Variants in SPATA1 observed in about 807,000 individuals in gnomAD.
The protein encoded by SPATA1 is spermatogenesis associated 1, also known as spermatogenesis-associated protein 1.
Under a neutral mutation model 59.6 loss-of-function variants are expected in SPATA1, and 57 were observed. That is an observed-to-expected ratio of 0.96 (90% confidence interval 0.77 to 1.19). SPATA1 has a LOEUF of 1.19. SPATA1 is among the 50% of genes most tolerant of loss of function. The probability of loss-of-function intolerance (pLI) is 0.00; values close to 1 mark genes in which losing one functional copy is unlikely to be tolerated. For synonymous variants in SPATA1, 147 were observed against 163.9 expected, an observed-to-expected ratio of 0.90 and a Z score of 0.79; for missense variants, 448 against 480.7, an observed-to-expected ratio of 0.93 and a Z score of 0.64.
At position 84,551,367 on chromosome 1, in the gene SPATA1, ATAAAAATAAATAAAATT is replaced by A. The variant is rs1432266219; in HGVS notation, c.1224+848_1224+864del. 57 of 756,986 alleles carry A rather than the reference ATAAAAATAAATAAAATT, an allele frequency of 7.5e-5. 1 individual carries two copies. In the Admixed American group the frequency reaches 3.5e-3, roughly 47 times the overall value. 46.9% of individuals were successfully genotyped at this position (756,986 alleles called of 1,614,324 possible). On this transcript the variant is annotated intron_variant, in intron 12 of 12. Coordinates refer to ENST00000490879, the Ensembl canonical transcript of SPATA1. ...GTACTGTCCTCGGTTTCAGATAAAA[ATAAAAATAAATAAAATT>A]TAAAAATAAAAAAATAGAATTAGCA...
chr1:84,539,318 CACAA>C (rs1267745063), intron 8 of SPATA1, among the ~76,000 whole-genome samples: 11 of 152,194 alleles, frequency 7.2e-5, no homozygotes, highest in African/African-American at 2.4e-4. Flanking sequence ...AAACAGCACA[CACAA>C]ACAAGAGAGG....
intron 8 of SPATA1, 147 bp from the exon 9 acceptor site, chr1:84,544,055 T>C: frequency 1.6e-6 from 1 of 613,042 alleles, no homozygotes; most frequent in South Asian, 2.0e-5. Flanking sequence ...TGGGAGAGAA[T>C]CTGCAGCTAT....
At position 84,548,983 on chromosome 1, in the gene SPATA1, C is replaced by T. The variant is rs1256460888; in HGVS notation, c.1125+19C>T. 3.3e-6 allele frequency: 5 copies of T among 1,528,076 alleles called. No individual in the cohort carries two copies. In the Admixed American group the frequency reaches 1.1e-4, roughly 33 times the overall value. 94.7% of individuals were successfully genotyped at this position (1,528,076 alleles called of 1,614,324 possible). ...CTCCAAGGTATTACTAAATGTATCC[C>T]CCTTCCGTTAGAGAAGTTCTGTTCA... is the stretch of plus-strand genomic sequence containing the variant. On this transcript the variant is annotated intron_variant, in intron 11 of 12. Transcript: ENST00000490879.
intron 2 of SPATA1, among the ~76,000 whole-genome samples, chr1:84,518,401 G>A (rs1270681186): frequency 6.6e-6 from 1 of 151,998 alleles, no homozygotes; most frequent in East Asian, 1.9e-4. Context: ...TTAGAATATG[G>A]ATGCCAAATA....
chr1:84,511,959 G>A (rs1422089979), intron 1 of SPATA1, among the ~76,000 whole-genome samples: 2 of 152,070 alleles, frequency 1.3e-5, no homozygotes, highest in Admixed American at 6.6e-5. Flanking sequence ...TGGGATTATA[G>A]GCGTGAGCCA....
At chr1:84,518,467 G>A (rs187494293) in intron 2 of SPATA1, among the ~76,000 whole-genome samples, 4 of 152,114 alleles carry the variant, frequency 2.6e-5, no homozygotes, top group Non-Finnish European at 5.9e-5. Flanking sequence ...TATTCAGAGG[G>A]AGAGAATTAC....
Position 84,521,115 on chromosome 1 carries a change from A to G in SPATA1, c.143+424A>G, listed in dbSNP as rs915848122. Among the ~76,000 whole-genome samples the G allele has an allele frequency of 6.6e-5, 10 of 151,996 alleles. No homozygotes were observed. In the East Asian group the frequency reaches 1.9e-3, roughly 29 times the overall value. On this transcript the variant is annotated intron_variant, in intron 3 of 12. Coordinates refer to ENST00000490879, the Ensembl canonical transcript of SPATA1. ...AACAGAGTGAGACTCTGCCAAAAACAAAAAAGAGAGAGAGAAAGAGGGAAA... is the reference window on the plus strand; with the variant it reads ...AACAGAGTGAGACTCTGCCAAAAACGAAAAAGAGAGAGAGAAAGAGGGAAA...
At chr1:84,558,293 C>CT (rs369890996), downstream of SPATA1, among the ~76,000 whole-genome samples, 2,451 of 145,784 alleles carry the variant, frequency 0.017, 60 homozygotes, top group African/African-American at 0.054. Flanking sequence ...TGCCATTAAA[C>CT]TTTTTTTTTT....
chr1:84,507,882 T>C (rs1322555930), intron 1 of SPATA1, among the ~76,000 whole-genome samples: 6 of 152,088 alleles, frequency 3.9e-5, no homozygotes, highest in Admixed American at 3.3e-4. Context: ...TGCTTTTTTA[T>C]TAACTGCTGC....
At chr1:84,533,590 A>G in intron 7 of SPATA1, 119 bp from the exon 8 acceptor site, 1 of 774,230 alleles carries the variant, frequency 1.3e-6, no homozygotes, top group East Asian at 2.8e-5. Flanking sequence ...TCTCAGGCTG[A>G]CTTTGAAAAT....
chr1:84,530,239 G>A (rs1683416907), intron 6 of SPATA1, among the ~76,000 whole-genome samples: 1 of 152,128 alleles, frequency 6.6e-6, no homozygotes, highest in Non-Finnish European at 1.5e-5. Flanking sequence ...ACAGTGTATG[G>A]CCATGCAGAT....
chr1:84,549,753 T>A (rs1012171081), intron 11 of SPATA1: 7 of 152,196 alleles, frequency 4.6e-5, no homozygotes, highest in Admixed American at 3.3e-4. Context: ...ATGTTAACTA[T>A]GATTAAAAGT....
chr1:84,519,998 A>T (rs1287524317), intron 2 of SPATA1: 1 of 152,210 alleles, frequency 6.6e-6, no homozygotes, highest in East Asian at 1.9e-4. Context: ...TCATAACAAA[A>T]CATCAGTGGA....
intron 4 of SPATA1, 109 bp from the exon 5 acceptor site, chr1:84,525,587 A>G (rs1570409712): frequency 1.2e-6 from 1 of 835,756 alleles, no homozygotes. Context: ...TTTAAATTTG[A>G]TTTTTATATT....
At chr1:84,548,194 T>G (rs1320121815) in intron 10 of SPATA1, among the ~76,000 whole-genome samples, 1 of 152,044 alleles carries the variant, frequency 6.6e-6, no homozygotes, top group Non-Finnish European at 1.5e-5. Context: ...AATTTGAGAT[T>G]TTTGTTTCTA....
chr1:84,516,705 G>A lies in SPATA1; in HGVS notation c.36+310G>A, dbSNP rs558810694. Reference sequence around the variant, plus strand: ...ATAGAGCAGTCATGATCACTCCTTTGCACATATTTTTGACTCCTTGCCCCT... The same window carrying A: ...ATAGAGCAGTCATGATCACTCCTTTACACATATTTTTGACTCCTTGCCCCT... On this transcript the variant is annotated intron_variant, in intron 2 of 12. Coordinates refer to ENST00000490879, the Ensembl canonical transcript of SPATA1. 2.6e-5 allele frequency among the ~76,000 whole-genome samples: 4 copies of A among 152,196 alleles called. No individual in the cohort carries two copies. In the South Asian group the frequency reaches 8.3e-4, roughly 32 times the overall value.
chr1:84,522,561 T>G, intron 4 of SPATA1, 54 bp downstream of exon 4: 2 of 890,968 alleles, frequency 2.2e-6, no homozygotes, highest in Non-Finnish European at 3.3e-6. Flanking sequence ...CTTCTCAAAT[T>G]ACATTTCTTA....
intron 8 of SPATA1, among the ~76,000 whole-genome samples, chr1:84,542,082 G>A (rs1191822584): frequency 3.9e-5 from 6 of 152,000 alleles, no homozygotes; most frequent in Admixed American, 2.0e-4. Flanking sequence ...CAATTCTCCT[G>A]CCTCCCGAGT....
At chr1:84,540,224 T>G (rs566998487) in intron 8 of SPATA1, among the ~76,000 whole-genome samples, 2 of 152,324 alleles carry the variant, frequency 1.3e-5, no homozygotes, top group South Asian at 4.1e-4. Context: ...ATAATTGATA[T>G]GACTGATATG....
Sources: allele counts gnomAD v4.1 joint callset (sites outside exome capture counted in the v4.1 genomes callset), GRCh38; gene constraint gnomAD v4.1.1; transcripts MANE v1.5; gene names NCBI Gene and HGNC (gene_info 2026-07-23, HGNC 2026-07-21).